STAG1: variants seen among roughly 807,000 people sequenced by gnomAD.
STAG1 encodes STAG1 cohesin complex component.
A neutral mutation model predicts 170.9 loss-of-function variants in STAG1; 26 were observed. The ratio of observed to expected loss-of-function variants is 0.15; its 90% CI spans 0.11 to 0.21. STAG1 has a LOEUF of 0.21. Ranked by LOEUF, STAG1 falls within the 10% of genes least tolerant of loss-of-function variation. The probability of loss-of-function intolerance (pLI) is 1.00; values close to 1 mark genes in which losing one functional copy is unlikely to be tolerated. For synonymous variants in STAG1, 514 were observed against 497.7 expected (o/e 1.03, Z -0.44); for missense variants, 964 against 1,509.5 (o/e 0.64, Z 5.99).
chr3:136,498,356 C>A (rs1289525944), intron 9 of STAG1, among the ~76,000 whole-genome samples: 2 of 148,140 alleles, frequency 1.4e-5, no homozygotes, highest in Non-Finnish European at 3.0e-5. Flanking sequence ...AAAAAAAACT[C>A]TGACTTTGTT....
At chr3:136,512,811 C>T (rs1448359376) in intron 7 of STAG1, among the ~76,000 whole-genome samples, 3 of 151,978 alleles carry the variant, frequency 2.0e-5, no homozygotes, top group Non-Finnish European at 1.5e-5. Flanking sequence ...GAGTCAATGT[C>T]CCATCATGCC....
chr3:136,550,384 C>A (rs1039262535), intron 5 of STAG1, among the ~76,000 whole-genome samples: 1 of 151,568 alleles, frequency 6.6e-6, no homozygotes, highest in Non-Finnish European at 1.5e-5. Context: ...CTTGGCTCAC[C>A]GCAAGCTCTG....
intron 1 of STAG1, among the ~76,000 whole-genome samples, chr3:136,724,788 T>C (rs900696504): frequency 1.3e-5 from 2 of 152,088 alleles, no homozygotes; most frequent in Admixed American, 1.3e-4. Context: ...ATGAACATAT[T>C]TTGAGAGGTA....
At chr3:136,598,189 T>A (rs1036418233) in intron 4 of STAG1, among the ~76,000 whole-genome samples, 2 of 152,172 alleles carry the variant, frequency 1.3e-5, no homozygotes, top group Non-Finnish European at 2.9e-5. Flanking sequence ...TTAGTTGACC[T>A]TCTTTAACCT....
At chr3:136,418,006 AGAATG>A (rs755089989) in intron 20 of STAG1, 34 bp from the exon 21 acceptor site, 1 of 1,500,636 alleles carries the variant, frequency 6.7e-7, no homozygotes, top group Non-Finnish European at 9.3e-7. Flanking sequence ...GTTTTATTCT[AGAATG>A]GAAGGAAATT....
intron 7 of STAG1, among the ~76,000 whole-genome samples, chr3:136,504,780 G>A (rs916945987): frequency 2.6e-5 from 4 of 152,010 alleles, no homozygotes; most frequent in African/African-American, 9.7e-5. Flanking sequence ...ACTGAGGCAC[G>A]GCTTTTTAAA....
At chr3:136,471,970 T>G (rs549696643) in intron 12 of STAG1, among the ~76,000 whole-genome samples, 1 of 152,256 alleles carries the variant, frequency 6.6e-6, no homozygotes, top group East Asian at 1.9e-4. Context: ...CCTAAGTAGC[T>G]AGGACAACAG....
At chr3:136,533,052 A>G (rs933190730) in intron 6 of STAG1, among the ~76,000 whole-genome samples, 1 of 152,212 alleles carries the variant, frequency 6.6e-6, no homozygotes, top group African/African-American at 2.4e-5. Context: ...TAGAGCTGAT[A>G]GCAAATTCAG....
chr3:136,684,964 G>A (rs1043353238), intron 1 of STAG1, among the ~76,000 whole-genome samples: 3 of 152,024 alleles, frequency 2.0e-5, no homozygotes, highest in Non-Finnish European at 4.4e-5. Flanking sequence ...TTTGGAGATG[G>A]CTTTTTAAAG....
At chr3:136,686,595 C>A (rs1942540674) in intron 1 of STAG1, among the ~76,000 whole-genome samples, 1 of 152,156 alleles carries the variant, frequency 6.6e-6, no homozygotes, top group Non-Finnish European at 1.5e-5. Flanking sequence ...GCTTAAAGAT[C>A]ATAAGGTAAA....
At chr3:136,645,521 CTGGA>C (rs757267311) in intron 1 of STAG1, among the ~76,000 whole-genome samples, 10 of 152,250 alleles carry the variant, frequency 6.6e-5, no homozygotes, top group Admixed American at 3.9e-4. Context: ...TCAAATGTTA[CTGGA>C]TGAAGTAATA....
At chr3:136,636,153 C>A (rs1392142440) in intron 1 of STAG1, among the ~76,000 whole-genome samples, 1 of 151,896 alleles carries the variant, frequency 6.6e-6, no homozygotes, top group African/African-American at 2.4e-5. Flanking sequence ...GAGGCTGAGG[C>A]AGGAGAATCA....
intron 3 of STAG1, among the ~76,000 whole-genome samples, chr3:136,618,897 CAAA>C (rs969030455): frequency 1.3e-5 from 2 of 151,876 alleles, no homozygotes; most frequent in Non-Finnish European, 2.9e-5. Context: ...AGATATTCTA[CAAA>C]ACAATACTGA....
chr3:136,486,400 T>C (rs1021549107), intron 9 of STAG1, among the ~76,000 whole-genome samples: 1 of 152,110 alleles, frequency 6.6e-6, no homozygotes, highest in African/African-American at 2.4e-5. Flanking sequence ...GATGTCCAAA[T>C]AAAAACAAGC....
At chr3:136,478,325 A>C (rs1366151783) in intron 9 of STAG1, among the ~76,000 whole-genome samples, 1 of 152,338 alleles carries the variant, frequency 6.6e-6, no homozygotes, top group South Asian at 2.1e-4. Flanking sequence ...CCTCACCATA[A>C]GTAAGCATCC....
At chr3:136,748,491 G>A (rs1248155590) in intron 1 of STAG1, among the ~76,000 whole-genome samples, 2 of 152,050 alleles carry the variant, frequency 1.3e-5, no homozygotes, top group African/African-American at 4.8e-5. Flanking sequence ...CCGCCTCCCA[G>A]GTTCAAGCAA....
intron 1 of STAG1, among the ~76,000 whole-genome samples, chr3:136,735,676 G>C (rs929551387): frequency 6.6e-6 from 1 of 151,758 alleles, no homozygotes; most frequent in African/African-American, 2.4e-5. Flanking sequence ...GCAATGGCGC[G>C]ATTTCTGCTA....
chr3:136,528,215 C>A (rs1935167117), intron 6 of STAG1, among the ~76,000 whole-genome samples: 1 of 152,148 alleles, frequency 6.6e-6, no homozygotes, highest in Non-Finnish European at 1.5e-5. Flanking sequence ...CCTCCTTGAG[C>A]TGTGGTGGGC....
intron 1 of STAG1, among the ~76,000 whole-genome samples, chr3:136,693,992 T>A (rs1164354910): frequency 2.0e-5 from 3 of 152,212 alleles, no homozygotes; most frequent in Non-Finnish European, 4.4e-5. Flanking sequence ...TTAGCTCTTC[T>A]TGGGAGACCA....
Sources: gnomAD v4.1 joint callset for allele counts (sites outside exome capture counted in the v4.1 genomes callset) on GRCh38, gnomAD v4.1.1 for gene constraint, MANE v1.5 for transcripts, NCBI Gene and HGNC (gene_info 2026-07-23, HGNC 2026-07-21) for gene names.